The following ARHGAP8 variants were observed in gnomAD, a reference collection of about 807,000 sequenced individuals.
ARHGAP8 encodes rho GTPase-activating protein 8.
A neutral mutation model predicts 46.1 loss-of-function variants in ARHGAP8; 62 were observed. The observed-to-expected ratio is 1.34, with a 90% CI of 1.10 to 1.66. ARHGAP8 has a LOEUF of 1.66. Ranked by LOEUF, ARHGAP8 falls within the 40% of genes most tolerant of loss-of-function variation. ARHGAP8 has a pLI of 0.00. For missense variants in ARHGAP8, 923 were observed against 568.4 expected (o/e 1.62, Z -6.34); for synonymous variants, 375 against 243.1 (o/e 1.54, Z -5.05).
intron 7 of ARHGAP8, among the ~76,000 whole-genome samples, chr22:44,842,500 C>G (rs1931719286): frequency 6.6e-6 from 1 of 152,168 alleles, no homozygotes; most frequent in Non-Finnish European, 1.5e-5. Context: ...GTGGAATCAC[C>G]CTCCAGAAAG....
intron 2 of ARHGAP8, among the ~76,000 whole-genome samples, chr22:44,796,437 G>A (rs1928090520): frequency 6.6e-6 from 1 of 151,350 alleles, no homozygotes; most frequent in Non-Finnish European, 1.5e-5. Flanking sequence ...TAAGTCTTTG[G>A]AATTTCCCAA....
intron 7 of ARHGAP8, among the ~76,000 whole-genome samples, chr22:44,832,222 AT>A (rs373759458): frequency 0.035 from 3,727 of 106,482 alleles, 78 homozygotes; most frequent in African/African-American, 0.08. Flanking sequence ...TGTCAATGTA[AT>A]TTTTTTTTTT....
chr22:44,811,739 T>C (rs1448073651), intron 4 of ARHGAP8, among the ~76,000 whole-genome samples: 2 of 152,174 alleles, frequency 1.3e-5, no homozygotes, highest in Non-Finnish European at 2.9e-5. Flanking sequence ...AGATCGCCTG[T>C]AATCCCAGCA....
chr22:44,812,108 C>T (rs555945504), intron 4 of ARHGAP8, among the ~76,000 whole-genome samples: 1 of 152,274 alleles, frequency 6.6e-6, no homozygotes, highest in East Asian at 1.9e-4. Context: ...TTCTCATCCT[C>T]CAGACCGTCC....
chr22:44,766,768 G>C (rs943142294), intron 1 of ARHGAP8, among the ~76,000 whole-genome samples: 1 of 152,128 alleles, frequency 6.6e-6, no homozygotes, highest in East Asian at 1.9e-4. Context: ...GCACCAAGTC[G>C]GTGAGTAGTG....
intron 11 of ARHGAP8, among the ~76,000 whole-genome samples, chr22:44,860,795 C>T (rs1282701506): frequency 2.0e-5 from 3 of 152,132 alleles, no homozygotes; most frequent in East Asian, 3.9e-4. Context: ...GGTCCACCCC[C>T]AACCCCCAGA....
chr22:44,833,096 C>CTTTTCTTTTCTTTTTTTT (rs535842585), intron 7 of ARHGAP8, among the ~76,000 whole-genome samples: 1 of 120,432 alleles, frequency 8.3e-6, no homozygotes, highest in Non-Finnish European at 1.7e-5. Context: ...CTTTTCTTTT[C>CTTTTCTTTTCTTTTTTTT]TTTTTTTTTT....
At chr22:44,821,169 T>G (rs149809731) in intron 5 of ARHGAP8, among the ~76,000 whole-genome samples, 1 of 152,104 alleles carries the variant, frequency 6.6e-6, no homozygotes, top group Non-Finnish European at 1.5e-5. Context: ...CGGTGGCTCA[T>G]GCCTGTAATC....
chr22:44,853,565 A>C (rs527338461), intron 10 of ARHGAP8, among the ~76,000 whole-genome samples: 1 of 152,310 alleles, frequency 6.6e-6, no homozygotes, highest in East Asian at 1.9e-4. Flanking sequence ...TCTCAGTTAC[A>C]AAATAAGTCT....
chr22:44,822,113 T>C (rs1287228156), intron 5 of ARHGAP8, among the ~76,000 whole-genome samples: 1 of 152,186 alleles, frequency 6.6e-6, no homozygotes, highest in Non-Finnish European at 1.5e-5. Flanking sequence ...CAGATGTAAA[T>C]TGGAGGCAGA....
At chr22:44,844,555 T>C (rs958426546) in intron 7 of ARHGAP8, among the ~76,000 whole-genome samples, 1 of 152,140 alleles carries the variant, frequency 6.6e-6, no homozygotes, top group Non-Finnish European at 1.5e-5. Flanking sequence ...CTCCACCTCA[T>C]GGGTTCAAGT....
intron 7 of ARHGAP8, among the ~76,000 whole-genome samples, chr22:44,844,349 A>G (rs527351731): frequency 6.6e-6 from 1 of 152,222 alleles, no homozygotes; most frequent in Non-Finnish European, 1.5e-5. Flanking sequence ...GAAAAGAGGA[A>G]AAAGGAACAG....
chr22:44,849,276 C>T (rs1309061033), intron 10 of ARHGAP8: 11 of 868,198 alleles, frequency 1.3e-5, no homozygotes, highest in Middle Eastern at 3.7e-4. Flanking sequence ...GAGGTGGGGT[C>T]GGTCAGGGTT....
At chr22:44,860,250 C>G (rs13340084) in intron 11 of ARHGAP8, among the ~76,000 whole-genome samples, 1 of 152,088 alleles carries the variant, frequency 6.6e-6, no homozygotes, top group African/African-American at 2.4e-5. Flanking sequence ...CATTAAGTTC[C>G]TGTGACTGCA....
intron 7 of ARHGAP8, among the ~76,000 whole-genome samples, 180 bp downstream of exon 7, chr22:44,825,773 G>C (rs980327283): frequency 7.0e-6 from 1 of 142,406 alleles, no homozygotes; most frequent in Non-Finnish European, 1.6e-5. Flanking sequence ...GTGCCTGGTT[G>C]GGGGGGCGCG....
chr22:44,814,676 A>C lies in ARHGAP8; in HGVS notation c.304A>C (p.Lys102Gln). Residue 102 changes from lysine to glutamine, a missense_variant, in exon 5 of 12, where the codon AAG becomes CAG. Transcript: ENST00000356099. ...SAYKEFDRKY[K>Q]KNLKALYVVH... The stretch of plus-strand genomic sequence containing the variant: ...ATCCCCCGTTTCCCTCCTCAGGTAC[A>C]AGAAGAACTTGAAGGCCCTCTACGT... 6.2e-7 allele frequency: 1 copy of C among 1,613,626 alleles called. No homozygotes were observed. Among genetic ancestry groups the C allele is most frequent in the South Asian group, 1.1e-5 (1 of 91,058 alleles).
At chr22:44,847,183 C>T (rs1013877000) in intron 8 of ARHGAP8, among the ~76,000 whole-genome samples, 3 of 152,238 alleles carry the variant, frequency 2.0e-5, no homozygotes, top group Non-Finnish European at 4.4e-5. Flanking sequence ...AGGCTCAGGC[C>T]TGTTTCTCTT....
chr22:44,791,165 G>A (rs1453133906), intron 2 of ARHGAP8, among the ~76,000 whole-genome samples: 1 of 134,582 alleles, frequency 7.4e-6, no homozygotes, highest in Non-Finnish European at 1.7e-5. Flanking sequence ...GACCTGCCAG[G>A]GTTTAGCCTG....
At chr22:44,847,687 C>T (rs1441309757) in intron 8 of ARHGAP8, among the ~76,000 whole-genome samples, 1 of 152,134 alleles carries the variant, frequency 6.6e-6, no homozygotes, top group Admixed American at 6.5e-5. Flanking sequence ...GGCAGATAGG[C>T]TCAGAGAGGC....
Sources: gnomAD v4.1 joint callset for allele counts (sites outside exome capture counted in the v4.1 genomes callset) on GRCh38, gnomAD v4.1.1 for gene constraint, MANE v1.5 for transcripts, NCBI Gene and HGNC (gene_info 2026-07-23, HGNC 2026-07-21) for gene names.